PAX2: variants seen among roughly 807,000 people sequenced by gnomAD.
PAX2 encodes the protein paired box 2.
Under a neutral mutation model 41.7 loss-of-function variants are expected in PAX2, and 9 were observed. That is an observed-to-expected ratio of 0.22 (90% CI 0.13 to 0.38). The LOEUF is 0.38. PAX2 is among the 10% of genes least tolerant of loss of function. The pLI is 1.00. For missense variants in PAX2, 418 were observed against 531.6 expected, an observed-to-expected ratio of 0.79 and a Z score of 2.10; for synonymous variants, 221 against 212.7, an observed-to-expected ratio of 1.04 and a Z score of -0.34.
intron 3 of PAX2, among the ~76,000 whole-genome samples, chr10:100,758,383 G>T (rs1031618332): frequency 1.3e-5 from 2 of 151,954 alleles, no homozygotes; most frequent in Non-Finnish European, 2.9e-5. Context: ...CTCGTGATCC[G>T]CCCGCCTCGG....
chr10:100,744,292 T>C (rs1340854110), upstream of PAX2, among the ~76,000 whole-genome samples: 1 of 152,178 alleles, frequency 6.6e-6, no homozygotes, highest in African/African-American at 2.4e-5. Context: ...CGAGCCGCCC[T>C]TTCGCAGACC....
At chr10:100,812,448 C>T (rs75945547) in intron 7 of PAX2, among the ~76,000 whole-genome samples, 9,068 of 152,138 alleles carry the variant, frequency 0.06, 901 homozygotes, top group African/African-American at 0.21. Context: ...GCATTCTGGC[C>T]CCAGGCTTTT....
intron 7 of PAX2, among the ~76,000 whole-genome samples, chr10:100,814,096 C>G (rs1377754936): frequency 1.3e-5 from 2 of 152,066 alleles, no homozygotes; most frequent in Middle Eastern, 3.2e-3. Context: ...CGCCTGTAAT[C>G]CCAGCACTTT....
At chr10:100,741,443 G>T (rs1243482089), upstream of PAX2, among the ~76,000 whole-genome samples, 2 of 144,184 alleles carry the variant, frequency 1.4e-5, no homozygotes, top group Non-Finnish European at 3.0e-5. Context: ...ATCCTCCAAC[G>T]TGACCAGAGG....
intron 3 of PAX2, among the ~76,000 whole-genome samples, chr10:100,756,350 C>G (rs546505492): frequency 6.6e-6 from 1 of 152,290 alleles, no homozygotes; most frequent in African/African-American, 2.4e-5. Flanking sequence ...TCAAGTCTAT[C>G]TTCACCCCCT....
At chr10:100,792,255 G>T (rs893808738) in intron 5 of PAX2, among the ~76,000 whole-genome samples, 1 of 152,202 alleles carries the variant, frequency 6.6e-6, no homozygotes, top group Non-Finnish European at 1.5e-5. Context: ...TCTTCTTCAC[G>T]TGCACAAGCA....
At chr10:100,809,450 G>A (rs1157592432) in intron 7 of PAX2, among the ~76,000 whole-genome samples, 3 of 152,246 alleles carry the variant, frequency 2.0e-5, no homozygotes, top group Admixed American at 6.5e-5. Context: ...AACCTGGAAA[G>A]GCTGATGCTA....
At chr10:100,752,506 G>A (rs1231741148) in intron 3 of PAX2, among the ~76,000 whole-genome samples, 2 of 152,184 alleles carry the variant, frequency 1.3e-5, no homozygotes, top group African/African-American at 4.8e-5. Context: ...GCTGATTGCT[G>A]GTCCTGGGCA....
chr10:100,756,658 A>C (rs1224872348), intron 3 of PAX2, among the ~76,000 whole-genome samples: 1 of 152,204 alleles, frequency 6.6e-6, no homozygotes, highest in Non-Finnish European at 1.5e-5. Flanking sequence ...CAATATTTTC[A>C]ACTTATCGAG....
At chr10:100,792,602 G>A (rs1847167189) in intron 5 of PAX2, among the ~76,000 whole-genome samples, 1 of 152,250 alleles carries the variant, frequency 6.6e-6, no homozygotes, top group South Asian at 2.1e-4. Context: ...CAAAAGGATA[G>A]CGAAGGATGC....
chr10:100,787,022 C>G (rs887128953), intron 5 of PAX2: 11 of 1,370,844 alleles, frequency 8.0e-6, no homozygotes, highest in Non-Finnish European at 1.1e-5. Flanking sequence ...GTATGAGGGC[C>G]AGAGGGAACA....
intron 5 of PAX2, among the ~76,000 whole-genome samples, chr10:100,806,021 A>G (rs573816828): frequency 6.6e-6 from 1 of 152,260 alleles, no homozygotes; most frequent in South Asian, 2.1e-4. Flanking sequence ...GCCGAGTTCA[A>G]TTCTCCACAG....
At position 100,748,696 on chromosome 10, in the gene PAX2, G is replaced by A. The variant is rs766298873; in HGVS notation, c.44-1050G>A. On this transcript the variant is annotated intron_variant, in intron 1 of 9. Transcript: ENST00000355243. This position sits in a 1 kb window ranked among gnomAD's most constrained non-coding sequence, Gnocchi z 5.0. ...GGCACCCAGTGGCCGCCTCGGTTCC[G>A]AGATCGGGAGCCCGCGCTGGAGCCG... 1.0e-6 allele frequency: 1 copy of A among 985,470 alleles called. No individual in the cohort carries two copies. Among genetic ancestry groups the A allele is most frequent in the Non-Finnish European group, 1.2e-6 (1 of 829,926 alleles). The allele number at this position is 985,470 out of a possible 1,614,324, so 61.0% of individuals were successfully genotyped here.
intron 1 of PAX2, among the ~76,000 whole-genome samples, chr10:100,737,389 TG>T (rs1157377896): frequency 6.6e-6 from 1 of 152,222 alleles, no homozygotes; most frequent in Non-Finnish European, 1.5e-5. Flanking sequence ...TGCACCTACT[TG>T]GGCCTGACGG....
chr10:100,804,999 T>TTC (rs55900944), intron 5 of PAX2, among the ~76,000 whole-genome samples: 7 of 93,742 alleles, frequency 7.5e-5, no homozygotes, highest in East Asian at 3.8e-4. Flanking sequence ...CTCTCTCTCC[T>TTC]TCTCTCTCTC....
At position 100,791,187 on chromosome 10, in the gene PAX2, C is replaced by A. The variant is rs993478721; in HGVS notation, c.616+9822C>A. On this transcript the variant is annotated intron_variant, in intron 5 of 9. Coordinates refer to ENST00000355243, the MANE Select transcript of PAX2 (RefSeq NM_000278.5). The surrounding 1 kb of genome is among the most constrained non-coding windows in gnomAD (Gnocchi z 4.5). ...GCTCCGCCTGCCTGCTTCAAAGCAC[C>A]CTTTGTGCTCATCTCTACTGGAGAC... 4.6e-5 allele frequency among the ~76,000 whole-genome samples: 7 copies of A among 152,196 alleles called. No homozygotes were observed. The highest frequency in any genetic ancestry group is 4.6e-4 in the Admixed American group (7 of 15,284).
chr10:100,785,343 T>C (rs1846803589), intron 5 of PAX2, among the ~76,000 whole-genome samples: 1 of 152,150 alleles, frequency 6.6e-6, no homozygotes, highest in South Asian at 2.1e-4. Context: ...AATGAAGTCA[T>C]ATGGTGAGAA....
intron 5 of PAX2, among the ~76,000 whole-genome samples, chr10:100,784,035 G>C (rs1336062030): frequency 1.3e-5 from 2 of 152,154 alleles, no homozygotes; most frequent in South Asian, 2.1e-4. Context: ...TGATCCACCA[G>C]CCCCTGGTGG....
At chr10:100,787,787 G>A (rs1173333472) in intron 5 of PAX2, among the ~76,000 whole-genome samples, 1 of 152,086 alleles carries the variant, frequency 6.6e-6, no homozygotes, top group Non-Finnish European at 1.5e-5. Flanking sequence ...AAAGTGAGGT[G>A]TTGTTTGAGA....
Sources: allele counts gnomAD v4.1 joint callset (sites outside exome capture counted in the v4.1 genomes callset), GRCh38; gene constraint gnomAD v4.1.1; non-coding constraint Gnocchi (gnomAD v3.1); transcripts MANE v1.5; gene names NCBI Gene and HGNC (gene_info 2026-07-23, HGNC 2026-07-21).